ATG10: variants seen among roughly 807,000 people sequenced by gnomAD.
ATG10 encodes the protein autophagy related 10.
ATG10 carries 30 observed loss-of-function variants against 32.1 expected under a neutral mutation model. That is an observed-to-expected ratio of 0.94 (90% confidence interval 0.70 to 1.27). The LOEUF (loss-of-function observed/expected upper bound fraction) is 1.27. Among genes scored for constraint, ATG10 ranks in the 50% most tolerant of loss-of-function variants. The pLI, the probability that ATG10 is intolerant of heterozygous loss-of-function variation, is 0.00. For synonymous variants in ATG10, 87 were observed against 91.5 expected, an observed-to-expected ratio of 0.95 and a Z score of 0.28; for missense variants, 233 against 262.3, an observed-to-expected ratio of 0.89 and a Z score of 0.77.
At chr5:82,201,806 T>C (rs1358318243) in intron 5 of ATG10, among the ~76,000 whole-genome samples, 2 of 152,232 alleles carry the variant, frequency 1.3e-5, no homozygotes, top group African/African-American at 4.8e-5. Context: ...TTCTGTGCTT[T>C]CTTTCATTAG....
At chr5:82,211,382 C>T (rs998137225) in intron 5 of ATG10, among the ~76,000 whole-genome samples, 7 of 152,092 alleles carry the variant, frequency 4.6e-5, no homozygotes, top group East Asian at 3.9e-4. Context: ...AGTGCCTCCA[C>T]TCATCTAGCC....
chr5:82,136,591 A>G (rs1766761711), intron 3 of ATG10, among the ~76,000 whole-genome samples: 2 of 152,110 alleles, frequency 1.3e-5, no homozygotes, highest in African/African-American at 4.8e-5. Context: ...CTGCAGAGAG[A>G]TCCACTGTTA....
At chr5:81,993,282 T>C in intron 2 of ATG10, among the ~76,000 whole-genome samples, 1 of 125,362 alleles carries the variant, frequency 8.0e-6, no homozygotes, top group Non-Finnish European at 1.7e-5. Context: ...TTTAGCCTGA[T>C]TTCTTTCCTT....
At chr5:82,160,351 A>G (rs975860303) in intron 3 of ATG10, among the ~76,000 whole-genome samples, 2 of 152,126 alleles carry the variant, frequency 1.3e-5, no homozygotes, top group South Asian at 2.1e-4. Flanking sequence ...GTGTATCTCA[A>G]TTGTTTGTTC....
At chr5:82,086,488 C>G (rs1245496318) in intron 3 of ATG10, among the ~76,000 whole-genome samples, 2 of 152,180 alleles carry the variant, frequency 1.3e-5, no homozygotes, top group African/African-American at 2.4e-5. Context: ...CTCTCTTTCT[C>G]TCTACCCCTA....
intron 4 of ATG10, among the ~76,000 whole-genome samples, chr5:82,170,321 T>C (rs923052383): frequency 2.0e-5 from 3 of 152,204 alleles, no homozygotes; most frequent in Non-Finnish European, 2.9e-5. Flanking sequence ...ACAACACAAA[T>C]CTCATTAGCC....
chr5:82,178,136 AT>A (rs1744103415), intron 4 of ATG10, among the ~76,000 whole-genome samples: 1 of 152,178 alleles, frequency 6.6e-6, no homozygotes, highest in Non-Finnish European at 1.5e-5. Context: ...GATTCAGAGT[AT>A]TCATGGTGCA....
At chr5:82,137,584 G>A (rs1410814605) in intron 3 of ATG10, among the ~76,000 whole-genome samples, 1 of 152,164 alleles carries the variant, frequency 6.6e-6, no homozygotes, top group Non-Finnish European at 1.5e-5. Flanking sequence ...TTTTTCTCTG[G>A]AAGTTTCTTC....
chr5:82,014,139 T>C (rs2149698115), intron 2 of ATG10, among the ~76,000 whole-genome samples: 1 of 152,340 alleles, frequency 6.6e-6, no homozygotes, highest in African/African-American at 2.4e-5. Context: ...TTGAGCAGTT[T>C]TGAGTGAGTT....
chr5:82,244,774 C>A (rs1049049222), intron 5 of ATG10, among the ~76,000 whole-genome samples: 2 of 152,142 alleles, frequency 1.3e-5, no homozygotes, highest in African/African-American at 2.4e-5. Context: ...TCTAATAGTT[C>A]TAAAACCAAT....
intron 3 of ATG10, among the ~76,000 whole-genome samples, chr5:82,109,955 C>T (rs1765564796): frequency 6.6e-6 from 1 of 150,486 alleles, no homozygotes; most frequent in Non-Finnish European, 1.5e-5. Context: ...CCCCATCCCC[C>T]CACCCCACAA....
chr5:82,136,126 G>A (rs578114206), intron 3 of ATG10, among the ~76,000 whole-genome samples: 57 of 152,136 alleles, frequency 3.7e-4, no homozygotes, highest in African/African-American at 1.1e-3. Context: ...GTCTTTGCAC[G>A]TGAGATGGGT....
intron 3 of ATG10, among the ~76,000 whole-genome samples, chr5:82,138,301 G>A (rs1177288448): frequency 6.6e-6 from 1 of 152,192 alleles, no homozygotes; most frequent in African/African-American, 2.4e-5. Context: ...AGCTACCTTG[G>A]TGTCTGCCCA....
At chr5:82,218,438 A>ATCATTT (rs1745783697) in intron 5 of ATG10, among the ~76,000 whole-genome samples, 1 of 152,110 alleles carries the variant, frequency 6.6e-6, no homozygotes, top group Non-Finnish European at 1.5e-5. Flanking sequence ...TTGCTATTAT[A>ATCATTT]GTTTGCTTTT....
intron 3 of ATG10, among the ~76,000 whole-genome samples, chr5:82,072,636 C>A (rs189892600): frequency 6.6e-5 from 10 of 152,128 alleles, no homozygotes; most frequent in Non-Finnish European, 1.5e-4. Flanking sequence ...TACATACATG[C>A]ATCTGCTCCA....
At position 82,062,653 on chromosome 5, in the gene ATG10, G is replaced by A. The variant is rs566374467; in HGVS notation, c.216+4051G>A. 6.6e-5 allele frequency among the ~76,000 whole-genome samples: 10 copies of A among 152,298 alleles called. 1 individual carries two copies. Among genetic ancestry groups the A allele is most frequent in the Non-Finnish European group, 1.2e-4 (8 of 68,030 alleles). ...ATGGAGAAACATGAAGGAGCAGGAA[G>A]AGAGCAGAGAATGTAACACTTCCTT... is the stretch of plus-strand genomic sequence containing the variant. On this transcript the variant is annotated intron_variant, in intron 3 of 7. Coordinates refer to ENST00000282185, the MANE Select transcript of ATG10 (RefSeq NM_031482.5).
chr5:81,978,767 C>T (rs1760942959), intron 1 of ATG10, among the ~76,000 whole-genome samples: 1 of 151,944 alleles, frequency 6.6e-6, no homozygotes, highest in African/African-American at 2.4e-5. Flanking sequence ...CTCAAGTGAT[C>T]CTCCTACCTC....
At chr5:82,092,327 A>G (rs1429076488) in intron 3 of ATG10, among the ~76,000 whole-genome samples, 1 of 152,236 alleles carries the variant, frequency 6.6e-6, no homozygotes, top group Non-Finnish European at 1.5e-5. Context: ...CCAGAGGAAA[A>G]TATAGGTTTA....
chr5:82,053,920 C>G (rs192940959), intron 2 of ATG10, among the ~76,000 whole-genome samples: 1 of 152,292 alleles, frequency 6.6e-6, no homozygotes, highest in East Asian at 1.9e-4. Flanking sequence ...GCAGTCTCAG[C>G]ATGGTCAAAG....
Sources: allele counts gnomAD v4.1 joint callset (sites outside exome capture counted in the v4.1 genomes callset), GRCh38; gene constraint gnomAD v4.1.1; transcripts MANE v1.5; gene names NCBI Gene and HGNC (gene_info 2026-07-23, HGNC 2026-07-21).